Variants in TTBK2 observed in about 807,000 individuals in gnomAD.
The protein encoded by TTBK2 is tau tubulin kinase 2.
Under a neutral mutation model 110.8 loss-of-function variants are expected in TTBK2, and 28 were observed. The observed-to-expected ratio is 0.25, with a 90% CI of 0.19 to 0.35. The LOEUF (loss-of-function observed/expected upper bound fraction) is 0.35, where lower values mean the gene tolerates loss of function less well. TTBK2 is among the 10% of genes least tolerant of loss of function. The probability of loss-of-function intolerance (pLI) is 1.00; values close to 1 mark genes in which losing one functional copy is unlikely to be tolerated. For missense variants in TTBK2, 1,369 were observed against 1,500.3 expected (o/e 0.91, Z 1.45); for synonymous variants, 532 against 527.3 (o/e 1.01, Z -0.12).
intron 14 of TTBK2, 80 bp downstream of exon 14, chr15:42,751,894 T>A (rs2061870341): frequency 6.5e-7 from 1 of 1,534,570 alleles, no homozygotes; most frequent in Non-Finnish European, 9.0e-7. Flanking sequence ...AACACAGAAA[T>A]GTTGCCATTG....
chr15:42,856,969 G>T (rs1293838836), intron 3 of TTBK2, among the ~76,000 whole-genome samples: 1 of 151,946 alleles, frequency 6.6e-6, no homozygotes, highest in Non-Finnish European at 1.5e-5. Flanking sequence ...ACTGAGGAAG[G>T]AGAATCTCTT....
intron 1 of TTBK2, among the ~76,000 whole-genome samples, chr15:42,888,248 T>G (rs1895320215): frequency 6.6e-6 from 1 of 152,110 alleles, no homozygotes; most frequent in South Asian, 2.1e-4. Context: ...ACATATACTT[T>G]CTGCTCCCCA....
intron 13 of TTBK2, among the ~76,000 whole-genome samples, chr15:42,763,157 C>CATATATATATACATATATACAT (rs1889133304): frequency 4.9e-5 from 1 of 20,464 alleles, no homozygotes; most frequent in Non-Finnish European, 7.8e-5. Context: ...TATATATATA[C>CATATATATATACATATATACAT]ATATATATAT....
chr15:42,783,350 T>G, intron 11 of TTBK2, 69 bp downstream of exon 11: 13 of 1,504,200 alleles, frequency 8.6e-6, no homozygotes, highest in Non-Finnish European at 1.2e-5. Context: ...TGCCTAGCCT[T>G]CCTTCTTGGA....
chr15:42,817,006 G>A, intron 7 of TTBK2, 26 bp downstream of exon 7: 1 of 1,568,158 alleles, frequency 6.4e-7, no homozygotes, highest in Non-Finnish European at 8.7e-7. Flanking sequence ...TACTTATACA[G>A]ATATGACTCT....
At chr15:42,759,208 T>C (rs779891894) in intron 13 of TTBK2, among the ~76,000 whole-genome samples, 1 of 152,126 alleles carries the variant, frequency 6.6e-6, no homozygotes, top group African/African-American at 2.4e-5. Context: ...CACTTCCAGG[T>C]AGAGAAACAG....
chr15:42,763,159 T>TAC (rs1889136024), intron 13 of TTBK2, among the ~76,000 whole-genome samples: 57 of 7,990 alleles, frequency 7.1e-3, no homozygotes, highest in African/African-American at 0.028. Context: ...TATATATACA[T>TAC]ATATATATAT....
At chr15:42,793,939 C>T (rs541559697) in intron 10 of TTBK2, among the ~76,000 whole-genome samples, 2 of 151,860 alleles carry the variant, frequency 1.3e-5, no homozygotes, top group South Asian at 2.1e-4. Flanking sequence ...TCCCCAGAGA[C>T]GGGTCCCACT....
In TTBK2 at chr15:42,816,089, T is replaced by A. The variant is rs181473329; in HGVS notation, c.603+943A>T. On this transcript the variant is annotated intron_variant, in intron 7 of 14. Transcript: ENST00000267890. ...ATATATAAAAATAAATAAATAAATA[T>A]ATATATATATATATATATATATATA... Among the ~76,000 whole-genome samples the A allele has an allele frequency of 6.9e-3, 596 of 85,806 alleles. 5 individuals carry two copies. Among genetic ancestry groups the A allele is most frequent in the Middle Eastern group, 0.015 (3 of 202 alleles). The allele number at this position is 85,806 out of a possible 152,430, so 56.3% of individuals were successfully genotyped here.
intron 1 of TTBK2, among the ~76,000 whole-genome samples, chr15:42,914,670 T>C (rs965342371): frequency 2.6e-5 from 4 of 152,246 alleles, no homozygotes; most frequent in African/African-American, 9.6e-5. Flanking sequence ...GTTTCATGGG[T>C]TGTGTGGACA....
rs1314813674 is a variant in TTBK2 at position 42,815,866 on chromosome 15, ATATATTT to A, written c.603+1159_603+1165del. Among the ~76,000 whole-genome samples the A allele has an allele frequency of 6.0e-3, 739 of 123,582 alleles. 14 individuals are homozygous for A. The highest frequency in any genetic ancestry group is 0.02 in the African/African-American group (559 of 27,862). The allele number at this position is 123,582 out of a possible 152,430, so 81.1% of individuals were successfully genotyped here. ...TTCCAAATTCTCTCTCTCTATATAT[ATATATTT>A]AAATATATATATATTTAAAAATATA... On this transcript the variant is annotated intron_variant, in intron 7 of 14. Coordinates refer to ENST00000267890, the MANE Select transcript of TTBK2 (RefSeq NM_173500.4).
At position 42,849,152 on chromosome 15, in the gene TTBK2, G is replaced by GT. The variant is rs926917589; in HGVS notation, c.218-8720dup. The stretch of plus-strand genomic sequence containing the variant: ...TTATCTCATAGGTCACTGAGGCTCT[G>GT]TTTTTTTTTTTACATGTTTTTTCTT... On this transcript the variant is annotated intron_variant, in intron 3 of 14. Coordinates refer to ENST00000267890, the MANE Select transcript of TTBK2 (RefSeq NM_173500.4). Among the ~76,000 whole-genome samples, 581 of 143,602 alleles carry GT rather than the reference G, an allele frequency of 4.0e-3. 1 individual carries two copies. Among genetic ancestry groups the GT allele is most frequent in the African/African-American group, 1.0e-2 (393 of 39,436 alleles). 94.2% of individuals were successfully genotyped at this position (143,602 alleles called of 152,430 possible). A position where few individuals can be genotyped will look rare whatever the true frequency, so the allele number is the denominator to read the frequency against.
In TTBK2 at chr15:42,785,667, G is replaced by A. The variant is rs1387735688; in HGVS notation, c.981-2032C>T. 3.3e-5 allele frequency among the ~76,000 whole-genome samples: 5 copies of A among 152,130 alleles called. No individual in the cohort carries two copies. In the East Asian group the frequency reaches 7.7e-4, roughly 24 times the overall value. On this transcript the variant is annotated intron_variant, in intron 10 of 14. Transcript: ENST00000267890. The stretch of plus-strand genomic sequence containing the variant: ...CGCTCCCTTAGACCCTCCCATGAGA[G>A]GCTTTTCTAGTTCACAGTTTTCCTT...
chr15:42,830,408 G>A (rs1432774330), intron 4 of TTBK2, among the ~76,000 whole-genome samples: 4 of 151,800 alleles, frequency 2.6e-5, no homozygotes, highest in East Asian at 1.9e-4. Context: ...GGCTGGTCTC[G>A]AACTCCTGAC....
intron 9 of TTBK2, chr15:42,801,394 G>T: frequency 7.9e-7 from 1 of 1,263,148 alleles, no homozygotes; most frequent in Non-Finnish European, 1.2e-6. Context: ...AGCTCCCCAC[G>T]CTGCTCGGTA....
rs2061737692 is a variant in TTBK2 at position 42,739,508 on chromosome 15, T to C, written c.*6287A>G. On this transcript the variant is annotated 3_prime_UTR_variant, in exon 15 of 15. Coordinates refer to ENST00000267890, the MANE Select transcript of TTBK2 (RefSeq NM_173500.4). ...GCCTAGTGAAATAGACACTGGCTAT[T>C]TTAGAAAAAGGGTCAGAAGGTAGAC... The C allele has an allele frequency of 6.6e-6, 1 of 152,150 alleles. No homozygotes were observed. Among genetic ancestry groups the C allele is most frequent in the African/African-American group, 2.4e-5 (1 of 41,430 alleles). The allele number at this position is 152,150 out of a possible 1,614,324, so 9.4% of individuals were successfully genotyped here. A position where few individuals can be genotyped will look rare whatever the true frequency, so the allele number is the denominator to read the frequency against.
At chr15:42,870,169 A>AT (rs1894558133) in intron 3 of TTBK2, among the ~76,000 whole-genome samples, 1 of 152,000 alleles carries the variant, frequency 6.6e-6, no homozygotes, top group African/African-American at 2.4e-5. Context: ...GCAAGACTCC[A>AT]TCACAAAAAA....
At chr15:42,803,893 G>A (rs1891330704) in intron 9 of TTBK2, among the ~76,000 whole-genome samples, 1 of 151,410 alleles carries the variant, frequency 6.6e-6, no homozygotes, top group Non-Finnish European at 1.5e-5. Context: ...CAGATGTGGT[G>A]GTGCACACCT....
At chr15:42,893,862 G>C (rs940076458) in intron 1 of TTBK2, among the ~76,000 whole-genome samples, 1 of 152,118 alleles carries the variant, frequency 6.6e-6, no homozygotes, top group Admixed American at 6.6e-5. Flanking sequence ...CACAGAAAGT[G>C]AACACAGACA....
Sources: gnomAD v4.1 joint callset for allele counts (sites outside exome capture counted in the v4.1 genomes callset) on GRCh38, gnomAD v4.1.1 for gene constraint, MANE v1.5 for transcripts, NCBI Gene and HGNC (gene_info 2026-07-23, HGNC 2026-07-21) for gene names.